The following SDF2 variants were observed in gnomAD, a reference collection of about 807,000 sequenced individuals.
SDF2 encodes stromal cell derived factor 2, also known as stromal cell-derived factor 2.
A neutral mutation model predicts 20.5 loss-of-function variants in SDF2; 12 were observed. The ratio of observed to expected loss-of-function variants is 0.58; its 90% CI spans 0.37 to 0.95. The LOEUF (loss-of-function observed/expected upper bound fraction) is 0.95, where lower values mean the gene tolerates loss of function less well. Among genes scored for constraint, SDF2 ranks in the 40% least tolerant of loss-of-function variants. The pLI is 0.01. For synonymous variants in SDF2, 100 were observed against 101.0 expected (o/e 0.99, Z 0.06); for missense variants, 238 against 263.1 (o/e 0.90, Z 0.66).
intron 1 of SDF2, among the ~76,000 whole-genome samples, chr17:28,656,849 G>T (rs1374585597): frequency 6.6e-6 from 1 of 152,100 alleles, no homozygotes; most frequent in African/African-American, 2.4e-5. Flanking sequence ...AAAAATTTTT[G>T]TATTTCACAA....
intron 1 of SDF2, among the ~76,000 whole-genome samples, chr17:28,659,201 C>T (rs2071997079): frequency 7.2e-6 from 1 of 138,756 alleles, no homozygotes; most frequent in Non-Finnish European, 1.5e-5. Flanking sequence ...CTCCTCACAT[C>T]CCAGACGGGG....
intron 1 of SDF2, 83 bp downstream of exon 1, chr17:28,661,643 C>G: frequency 6.8e-7 from 1 of 1,464,106 alleles, no homozygotes; most frequent in Non-Finnish European, 9.3e-7. Flanking sequence ...TCCCAGACCA[C>G]ACTGTCAGAT....
intron 1 of SDF2, among the ~76,000 whole-genome samples, chr17:28,656,971 G>A (rs549714393): frequency 8.1e-4 from 123 of 152,310 alleles, no homozygotes; most frequent in Non-Finnish European, 9.0e-4. Context: ...GCTCACGCCT[G>A]TAATCCCAGC....
Position 28,648,884 on chromosome 17 carries a change from G to T in SDF2, c.*105C>A. On this transcript the variant is annotated 3_prime_UTR_variant, in exon 3 of 3. Coordinates refer to ENST00000247020, the MANE Select transcript of SDF2 (RefSeq NM_006923.4). ...TCTGTTGTATATCTTCATCTCAATG[G>T]TGACATGGCCACTGCCCAAGGAACT... The T allele has an allele frequency of 1.8e-6, 2 of 1,131,482 alleles. No homozygotes were observed. Among genetic ancestry groups the T allele is most frequent in the Non-Finnish European group, 2.6e-6 (2 of 772,712 alleles). 70.1% of individuals were successfully genotyped at this position (1,131,482 alleles called of 1,614,324 possible). A position where few individuals can be genotyped will look rare whatever the true frequency, so the allele number is the denominator to read the frequency against.
chr17:28,662,054 C>A (rs1293111549), upstream of SDF2: 10 of 672,190 alleles, frequency 1.5e-5, no homozygotes, highest in Non-Finnish European at 2.4e-5. Context: ...ACGATACTCT[C>A]GCTCTGTTCC....
chr17:28,649,932 GTGT>G (rs1198392249), intron 2 of SDF2, among the ~76,000 whole-genome samples: 1 of 150,396 alleles, frequency 6.6e-6, no homozygotes, highest in Non-Finnish European at 1.5e-5. Context: ...CTGCTTTCCA[GTGT>G]TGTTATTTTA....
intron 1 of SDF2, among the ~76,000 whole-genome samples, chr17:28,661,399 G>C (rs2072039447): frequency 1.3e-5 from 2 of 152,222 alleles, no homozygotes; most frequent in Admixed American, 1.3e-4. Context: ...TTTGCTAACT[G>C]CAAGGCTTTG....
intron 2 of SDF2, among the ~76,000 whole-genome samples, chr17:28,655,001 G>A (rs1486261539): frequency 6.6e-6 from 1 of 151,918 alleles, no homozygotes; most frequent in East Asian, 1.9e-4. Flanking sequence ...ATGGTGGCAT[G>A]CGCCTGTAAT....
rs755579239 is a variant in SDF2 at position 28,649,100 on chromosome 17, C to T, written c.525G>A (p.Glu175=). 4.3e-6 allele frequency: 7 copies of T among 1,614,106 alleles called. No homozygotes were observed. Among genetic ancestry groups the T allele is most frequent in the Non-Finnish European group, 5.1e-6 (6 of 1,180,048 alleles). ...GACTTGGCTGGGCCATGCCATGCACCTCTTTTTGCCCACTGATAGGTCGAC... is the reference window on the plus strand; with the variant it reads ...GACTTGGCTGGGCCATGCCATGCACTTCTTTTTGCCCACTGATAGGTCGAC... ...QYGRPISGQK[E]VHGMAQPSQN... The change falls in exon 3 of 3, where the codon GAG becomes GAA. Residue 175 remains glutamate, a synonymous_variant. Transcript: ENST00000247020.
At chr17:28,650,473 T>C (rs1340437963) in intron 2 of SDF2, among the ~76,000 whole-genome samples, 1 of 149,458 alleles carries the variant, frequency 6.7e-6, no homozygotes, top group African/African-American at 2.5e-5. Flanking sequence ...ACAGAATTTC[T>C]TTTTTTTTTC....
chr17:28,649,005 T>C lies in SDF2; in HGVS notation c.620A>G (p.His207Arg), dbSNP rs969489611. The change falls in exon 3 of 3, where the codon CAC (histidine) becomes CGC (arginine). Residue 207 changes from histidine to arginine, a missense_variant. Coordinates refer to ENST00000247020, the MANE Select transcript of SDF2 (RefSeq NM_006923.4). ...CCTCTAGATTCACAGCTCTGCATGGTGGGCTTCTGCCTTCAACAACTCACT... is the reference window on the plus strand; with the variant it reads ...CCTCTAGATTCACAGCTCTGCATGGCGGGCTTCTGCCTTCAACAACTCACT... ...KPSELLKAEA[H>R]HAEL 23 of 1,614,192 alleles carry C rather than the reference T, an allele frequency of 1.4e-5. No homozygotes were observed. Among genetic ancestry groups the C allele is most frequent in the Non-Finnish European group, 1.9e-5 (23 of 1,180,020 alleles).
intron 1 of SDF2, chr17:28,661,332 T>C: frequency 5.7e-6 from 2 of 351,638 alleles, no homozygotes; most frequent in Middle Eastern, 1.2e-3. Flanking sequence ...GTAATTTTCT[T>C]GTCTCTAAAG....
chr17:28,653,270 T>C (rs1400349306), intron 2 of SDF2, among the ~76,000 whole-genome samples: 2 of 152,210 alleles, frequency 1.3e-5, no homozygotes, highest in Non-Finnish European at 1.5e-5. Context: ...ACCCCTGATA[T>C]GATGGGATAC....
chr17:28,656,640 A>G (rs190575950), intron 1 of SDF2, among the ~76,000 whole-genome samples: 208 of 152,322 alleles, frequency 1.4e-3, no homozygotes, highest in African/African-American at 4.9e-3. Context: ...ACTATATGAT[A>G]AAGTATACTT....
chr17:28,660,370 T>C (rs1255817634), intron 1 of SDF2: 1 of 152,268 alleles, frequency 6.6e-6, no homozygotes, highest in African/African-American at 2.4e-5. Context: ...AGATAGAGAA[T>C]CACAGTTCAT....
chr17:28,652,186 A>G (rs2071919795), intron 2 of SDF2, among the ~76,000 whole-genome samples: 1 of 152,182 alleles, frequency 6.6e-6, no homozygotes, highest in Non-Finnish European at 1.5e-5. Flanking sequence ...CATCTTAAAA[A>G]AAAAAGAAAA....
At position 28,661,772 on chromosome 17, in the gene SDF2, C is replaced by G. The variant is rs766151459; in HGVS notation, c.105G>C (p.Thr35=). Residue 35 remains threonine, a synonymous_variant, in exon 1 of 3, where the codon ACG becomes ACC. Transcript: ENST00000247020. ...GTGAGTGCAGTCGGACGTTGTGGCGCGTATTGAGTAGCTTCACCACGGAGC... is the reference window on the plus strand; with the variant it reads ...GTGAGTGCAGTCGGACGTTGTGGCGGGTATTGAGTAGCTTCACCACGGAGC... The part of the protein sequence containing the change: ...TCGSVVKLLN[T]RHNVRLHSHD... 4 of 1,614,070 alleles carry G rather than the reference C, an allele frequency of 2.5e-6. No homozygotes were observed. The South Asian group carries it at 4.4e-5, about 18-fold the overall frequency.
At chr17:28,653,421 C>CGTT (rs1420291592) in intron 2 of SDF2, among the ~76,000 whole-genome samples, 1 of 152,200 alleles carries the variant, frequency 6.6e-6, no homozygotes, top group East Asian at 1.9e-4. Flanking sequence ...TCATCAAAAA[C>CGTT]TAGGGAAGCC....
chr17:28,653,775 G>A (rs1048271112), intron 2 of SDF2, among the ~76,000 whole-genome samples: 5 of 152,054 alleles, frequency 3.3e-5, no homozygotes, highest in African/African-American at 7.2e-5. Flanking sequence ...TCGCGCCATA[G>A]CACTCCAGCC....
Sources: gnomAD v4.1 joint callset for allele counts (sites outside exome capture counted in the v4.1 genomes callset) on GRCh38, gnomAD v4.1.1 for gene constraint, MANE v1.5 for transcripts, NCBI Gene and HGNC (gene_info 2026-07-23, HGNC 2026-07-21) for gene names.